The following RORA variants were observed in gnomAD, a reference collection of about 807,000 sequenced individuals.
RORA encodes the protein nuclear receptor ROR-alpha.
In RORA, 7 loss-of-function variants were observed where a neutral mutation model predicts 69.5. The ratio of observed to expected loss-of-function variants is 0.10; its 90% CI spans 0.06 to 0.19. The LOEUF (loss-of-function observed/expected upper bound fraction) is 0.19. Ranked by LOEUF, RORA falls within the 10% of genes least tolerant of loss-of-function variation. RORA has a pLI of 1.00. For missense variants in RORA, 457 were observed against 663.0 expected (o/e 0.69, Z 3.41); for synonymous variants, 261 against 240.8 (o/e 1.08, Z -0.78).
At chr15:60,771,041 G>A (rs2072065032) in intron 1 of RORA, among the ~76,000 whole-genome samples, 1 of 152,074 alleles carries the variant, frequency 6.6e-6, no homozygotes, top group East Asian at 1.9e-4. Context: ...AACCTCTCTG[G>A]GCATGTTGTA....
chr15:60,516,978 A>C (rs1184278873), intron 3 of RORA, among the ~76,000 whole-genome samples: 1 of 152,208 alleles, frequency 6.6e-6, no homozygotes, highest in Non-Finnish European at 1.5e-5. Context: ...AACATAGTAT[A>C]ATCCAAGTTT....
At chr15:60,997,484 G>A (rs1894592481) in intron 1 of RORA, among the ~76,000 whole-genome samples, 1 of 151,972 alleles carries the variant, frequency 6.6e-6, no homozygotes, top group Non-Finnish European at 1.5e-5. Context: ...ATATTTATAT[G>A]TCATTAACTT....
chr15:61,025,385 C>T (rs889744368), intron 1 of RORA, among the ~76,000 whole-genome samples: 1 of 152,200 alleles, frequency 6.6e-6, no homozygotes, highest in Non-Finnish European at 1.5e-5. Flanking sequence ...AGGTCCCGGG[C>T]CCTAGCTGTG....
rs2080145551 is a variant in RORA at position 61,226,420 on chromosome 15, G to C, written c.166+2633C>G. 6.6e-6 allele frequency among the ~76,000 whole-genome samples: 1 copy of C among 152,022 alleles called. No homozygotes were observed. The highest frequency in any genetic ancestry group is 2.1e-4 in the South Asian group (1 of 4,818). On this transcript the variant is annotated intron_variant, in intron 1 of 10. Coordinates refer to ENST00000335670, the MANE Select transcript of RORA (RefSeq NM_134261.3). The surrounding 1 kb of genome is among the most constrained non-coding windows in gnomAD (Gnocchi z 4.2). The stretch of plus-strand genomic sequence containing the variant: ...CTAGTGTGTAGGTTAATTTCTTTCC[G>C]ATATTGTAATTTATGCAACATTAAT...
At chr15:61,108,917 G>C (rs2140776071) in intron 1 of RORA, among the ~76,000 whole-genome samples, 1 of 152,288 alleles carries the variant, frequency 6.6e-6, no homozygotes, top group African/African-American at 2.4e-5. Flanking sequence ...GATGATAACA[G>C]GTCAGGCACC....
At chr15:60,894,625 C>T (rs1891181823) in intron 1 of RORA, among the ~76,000 whole-genome samples, 1 of 152,194 alleles carries the variant, frequency 6.6e-6, no homozygotes, top group Non-Finnish European at 1.5e-5. Context: ...GCATCAGAAT[C>T]ACCTGGAGAG....
intron 1 of RORA, among the ~76,000 whole-genome samples, chr15:61,084,839 T>C (rs2078598809): frequency 6.6e-6 from 1 of 152,060 alleles, no homozygotes. Flanking sequence ...TTTTTTTTTT[T>C]TTTCTTTCCT....
At chr15:61,181,793 T>C (rs2079689147) in intron 1 of RORA, among the ~76,000 whole-genome samples, 1 of 151,408 alleles carries the variant, frequency 6.6e-6, no homozygotes, top group Non-Finnish European at 1.5e-5. Context: ...ATGGGAGAGA[T>C]GTCTGCATAC....
intron 2 of RORA, among the ~76,000 whole-genome samples, chr15:60,547,094 CTT>C (rs989805322): frequency 7.9e-5 from 12 of 152,146 alleles, no homozygotes; most frequent in African/African-American, 2.9e-4. Flanking sequence ...TTCGAATGCT[CTT>C]TGTTGTCTTC....
intron 1 of RORA, among the ~76,000 whole-genome samples, chr15:60,809,414 T>C (rs1023716893): frequency 7.2e-5 from 11 of 152,198 alleles, no homozygotes; most frequent in African/African-American, 2.7e-4. Context: ...CAAAGCTTTA[T>C]AGAAAAACCA....
chr15:60,570,357 T>C (rs2067843370), intron 2 of RORA, among the ~76,000 whole-genome samples: 1 of 152,088 alleles, frequency 6.6e-6, no homozygotes, highest in Non-Finnish European at 1.5e-5. Flanking sequence ...TCAGACGAGG[T>C]CTTGCTCTGT....
chr15:60,533,625 G>A lies in RORA; in HGVS notation c.197-1774C>T, dbSNP rs558305095. ...TACGCCTAACATTTTTCAGAGACGTGGAAAAGCCAAGTGGAAGTAGAGAAA... is the reference window on the plus strand; with the variant it reads ...TACGCCTAACATTTTTCAGAGACGTAGAAAAGCCAAGTGGAAGTAGAGAAA... On this transcript the variant is annotated intron_variant, in intron 2 of 10. Coordinates refer to ENST00000335670, the MANE Select transcript of RORA (RefSeq NM_134261.3). Among the ~76,000 whole-genome samples the A allele has an allele frequency of 1.4e-4, 22 of 152,288 alleles. 1 individual carries two copies. Among genetic ancestry groups the A allele is most frequent in the South Asian group, 1.2e-3 (6 of 4,832 alleles).
intron 1 of RORA, among the ~76,000 whole-genome samples, chr15:60,940,202 G>T (rs984920534): frequency 4.6e-5 from 7 of 152,100 alleles, no homozygotes; most frequent in Non-Finnish European, 7.4e-5. Flanking sequence ...ATCACTGAAA[G>T]AAATTAAAGA....
At chr15:60,649,395 CAG>C (rs1383334674) in intron 2 of RORA, among the ~76,000 whole-genome samples, 2 of 152,118 alleles carry the variant, frequency 1.3e-5, no homozygotes, top group African/African-American at 2.4e-5. Context: ...CTGCAACAAA[CAG>C]AAACCTAGGG....
rs575112139 is a variant in RORA at position 60,661,553 on chromosome 15, T to C, written c.196+17104A>G. 5.9e-5 allele frequency among the ~76,000 whole-genome samples: 9 copies of C among 152,276 alleles called. No homozygotes were observed. The South Asian group carries it at 1.7e-3, about 28-fold the overall frequency. On this transcript the variant is annotated intron_variant, in intron 2 of 10. Transcript: ENST00000335670. Reference sequence around the variant, plus strand: ...TCCCAGGTAGAAGCTGTTGGAACCATGGAAACTTTGAGACCAGGTAAAGGG... The same window carrying C: ...TCCCAGGTAGAAGCTGTTGGAACCACGGAAACTTTGAGACCAGGTAAAGGG...
intron 1 of RORA, among the ~76,000 whole-genome samples, chr15:61,103,556 TGGTGCCCACAGAGTGTCTG>T (rs1164106824): frequency 2.0e-5 from 3 of 152,200 alleles, no homozygotes; most frequent in Non-Finnish European, 4.4e-5. Context: ...ACCTTGTCCC[TGGTGCCCACAGAGTGTCTG>T]GCTCCATTAC....
At chr15:61,184,986 CAAAAAA>C (rs775960162) in intron 1 of RORA, among the ~76,000 whole-genome samples, 5 of 59,672 alleles carry the variant, frequency 8.4e-5, no homozygotes, top group Non-Finnish European at 1.6e-4. Flanking sequence ...CCCTGTCTCT[CAAAAAA>C]AAAAAAAAAA....
At chr15:60,735,546 G>T (rs1393092118) in intron 1 of RORA, among the ~76,000 whole-genome samples, 1 of 148,394 alleles carries the variant, frequency 6.7e-6, no homozygotes, top group Admixed American at 6.7e-5. Flanking sequence ...ACCACCTTTA[G>T]AATTATGCTA....
chr15:60,989,825 T>C (rs1894318368), intron 1 of RORA, among the ~76,000 whole-genome samples: 1 of 151,106 alleles, frequency 6.6e-6, no homozygotes, highest in Non-Finnish European at 1.5e-5. Context: ...ACTTTTACTC[T>C]CCACTCAAAC....
Sources: allele counts gnomAD v4.1 joint callset (sites outside exome capture counted in the v4.1 genomes callset), GRCh38; gene constraint gnomAD v4.1.1; non-coding constraint Gnocchi (gnomAD v3.1); transcripts MANE v1.5; gene names NCBI Gene and HGNC (gene_info 2026-07-23, HGNC 2026-07-21).